The following MYORG variants were observed in gnomAD, a reference collection of about 807,000 sequenced individuals.
MYORG encodes the protein myogenesis regulating glycosidase.
In MYORG, 45 loss-of-function variants were observed where a neutral mutation model predicts 49.8. That is an observed-to-expected ratio of 0.90 (90% CI 0.71 to 1.16). MYORG has a LOEUF of 1.16. Ranked by LOEUF, MYORG falls within the 50% of genes most tolerant of loss-of-function variation. The pLI, the probability that MYORG is intolerant of heterozygous loss-of-function variation, is 0.00. For synonymous variants in MYORG, 552 were observed against 462.9 expected (o/e 1.19, Z -2.47); for missense variants, 1,110 against 1,026.5 (o/e 1.08, Z -1.11).
Position 34,376,633 on chromosome 9 carries a change from C to T in MYORG, c.-64+160G>A, listed in dbSNP as rs1229012434. 6.6e-6 allele frequency among the ~76,000 whole-genome samples: 1 copy of T among 152,210 alleles called. No individual in the cohort carries two copies. The highest frequency in any genetic ancestry group is 1.5e-5 in the Non-Finnish European group (1 of 68,028). Reference sequence around the variant, plus strand: ...TGAAGGCTATACTGTCCGAAGGGGCCGACCGAGGTCAAGGGACCTGTCGCC... The same window carrying T: ...TGAAGGCTATACTGTCCGAAGGGGCTGACCGAGGTCAAGGGACCTGTCGCC... On this transcript the variant is annotated intron_variant, in intron 1 of 1. Coordinates refer to ENST00000297625, the MANE Select transcript of MYORG (RefSeq NM_020702.5). This position sits in a 1 kb window ranked among gnomAD's most constrained non-coding sequence, Gnocchi z 4.4.
chr9:34,375,854 A>G (rs180871436), intron 1 of MYORG, among the ~76,000 whole-genome samples: 124 of 152,336 alleles, frequency 8.1e-4, no homozygotes, highest in African/African-American at 2.9e-3. Flanking sequence ...TAGTGTCCCA[A>G]ATGTCACCAC....
rs768887124 is a variant in MYORG, at chr9:34,371,821, C to T, written c.1123G>A (p.Asp375Asn). 7 of 1,613,902 alleles carry T rather than the reference C, an allele frequency of 4.3e-6. No homozygotes were observed. The highest frequency in any genetic ancestry group is 1.3e-5 in the African/African-American group (1 of 74,948). Residue 375 changes from aspartate to asparagine, a missense_variant, in exon 2 of 2, where the codon GAC becomes AAC. By Grantham distance (23) the Asp-to-Asn change is conservative. Coordinates refer to ENST00000297625, the MANE Select transcript of MYORG (RefSeq NM_020702.5). ...FDEVKFPNAS[D>N]MFRRLRDAGF... is the part of the protein sequence containing the mutation. ...GCGTCGCGCAGGCGGCGGAACATGT[C>T]GCTGGCGTTGGGGAATTTGACCTCA... is the stretch of plus-strand genomic sequence containing the variant.
In MYORG at chr9:34,371,391, A is replaced by G; in HGVS notation, c.1553T>C (p.Leu518Pro). 6.2e-7 allele frequency: 1 copy of G among 1,613,266 alleles called. No homozygotes were observed. Among genetic ancestry groups the G allele is most frequent in the South Asian group, 1.1e-5 (1 of 91,042 alleles). ...QSQNISCFFRLVDRDSVWGYD... is the reference protein window; with the variant it reads ...QSQNISCFFRPVDRDSVWGYD... Reference sequence around the variant, plus strand: ...GCCCCACACAGAGTCGCGATCCACCAGGCGGAAGAAGCAGGAGATGTTCTG... The same window carrying G: ...GCCCCACACAGAGTCGCGATCCACCGGGCGGAAGAAGCAGGAGATGTTCTG... The change falls in exon 2 of 2, where the codon CTG (leucine) becomes CCG (proline). Residue 518 changes from leucine to proline, a missense_variant. Transcript: ENST00000297625.
At position 34,368,111 on chromosome 9, in the gene MYORG, T is replaced by G. The variant is rs1820528494; in HGVS notation, c.*2688A>C. 1 of 152,280 alleles carries G rather than the reference T, an allele frequency of 6.6e-6. No individual in the cohort carries two copies. Among genetic ancestry groups the G allele is most frequent in the South Asian group, 2.1e-4 (1 of 4,836 alleles). The allele number at this position is 152,280 out of a possible 1,614,324, so 9.4% of individuals were successfully genotyped here. The stretch of plus-strand genomic sequence containing the variant: ...TGAAGCCAAGGCCTGAGCTGTATCT[T>G]GGCCCCTTTTAGCCATGACTAGAGC... On this transcript the variant is annotated 3_prime_UTR_variant, in exon 2 of 2. Coordinates refer to ENST00000297625, the MANE Select transcript of MYORG (RefSeq NM_020702.5).
intron 1 of MYORG, among the ~76,000 whole-genome samples, chr9:34,374,205 C>T (rs1177122051): frequency 6.6e-6 from 1 of 152,230 alleles, no homozygotes; most frequent in Non-Finnish European, 1.5e-5. Context: ...CTTCCCCCAA[C>T]AGGCCTCTCT....
At position 34,367,261 on chromosome 9, in the gene MYORG, G is replaced by C. The variant is rs1305591804; in HGVS notation, c.*3538C>G. The C allele has an allele frequency of 6.6e-6, 1 of 152,054 alleles. No individual in the cohort carries two copies. Among genetic ancestry groups the C allele is most frequent in the Admixed American group, 6.6e-5 (1 of 15,252 alleles). The allele number at this position is 152,054 out of a possible 1,614,324, so 9.4% of individuals were successfully genotyped here. On this transcript the variant is annotated 3_prime_UTR_variant, in exon 2 of 2. Coordinates refer to ENST00000297625, the MANE Select transcript of MYORG (RefSeq NM_020702.5). ...CACAATTATGGGAGCTACAATTTAAGGTGATATTTGGATGGGGACACAGCC... is the reference window on the plus strand; with the variant it reads ...CACAATTATGGGAGCTACAATTTAACGTGATATTTGGATGGGGACACAGCC...
In MYORG at chr9:34,367,276, G is replaced by C. The variant is rs1290917177; in HGVS notation, c.*3523C>G. 1 of 152,000 alleles carries C rather than the reference G, an allele frequency of 6.6e-6. No homozygotes were observed. The highest frequency in any genetic ancestry group is 1.5e-5 in the Non-Finnish European group (1 of 68,000). 9.4% of individuals were successfully genotyped at this position (152,000 alleles called of 1,614,324 possible). ...TACAATTTAAGGTGATATTTGGATG[G>C]GGACACAGCCAAACCATATCATTCT... is the stretch of plus-strand genomic sequence containing the variant. On this transcript the variant is annotated 3_prime_UTR_variant, in exon 2 of 2. Coordinates refer to ENST00000297625, the MANE Select transcript of MYORG (RefSeq NM_020702.5).
chr9:34,372,238 C>A lies in MYORG; in HGVS notation c.706G>T (p.Ala236Ser). 2 of 1,610,266 alleles carry A rather than the reference C, an allele frequency of 1.2e-6. No individual in the cohort carries two copies. Among genetic ancestry groups the A allele is most frequent in the Non-Finnish European group, 1.7e-6 (2 of 1,178,828 alleles). ...GGCACTGAGTCATTGACTTTGATGG[C>A]GGCCGCGCGCGAAGATAGCCAGTAG... ...ERYWLSSRAAAIKVNDSVPFH... is the reference protein window; with the variant it reads ...ERYWLSSRAASIKVNDSVPFH... The change falls in exon 2 of 2, where the codon GCC (alanine) becomes TCC (serine). Residue 236 changes from alanine (A) to serine (S), a missense_variant. Physicochemically the swap from Ala to Ser is moderately conservative, Grantham distance 99. Transcript: ENST00000297625.
rs1185459546 is a variant in MYORG at position 34,371,699 on chromosome 9, G to A, written c.1245C>T (p.Pro415=). Residue 415 remains proline, a synonymous_variant, in exon 2 of 2, where the codon CCC becomes CCT. Transcript: ENST00000297625. The part of the protein sequence containing the change: ...GVERELFVRE[P]TGRLPALVRW... ...GCACCAGCGCAGGTAACCGGCCCGT[G>A]GGTTCGCGCACGAACAGCTCGCGCT... 1 of 1,610,666 alleles carries A rather than the reference G, an allele frequency of 6.2e-7. No homozygotes were observed. Among genetic ancestry groups the A allele is most frequent in the Non-Finnish European group, 8.5e-7 (1 of 1,178,488 alleles).
chr9:34,372,615 A>G lies in MYORG; in HGVS notation c.329T>C (p.Val110Ala). ...GCCGGAGCGGAAGGCCAGGCGGAAG[A>G]CCTGCTCTCCCTTCTGATTGCGGAT... ...FSIRNQKGEQVFRLAFRSGAL... is the reference protein window; with the variant it reads ...FSIRNQKGEQAFRLAFRSGAL... Residue 110 changes from valine to alanine, a missense_variant, in exon 2 of 2, where the codon GTC becomes GCC. By Grantham distance (64) the Val-to-Ala change is moderately conservative (BLOSUM62 0). Transcript: ENST00000297625. The G allele has an allele frequency of 1.2e-6, 2 of 1,605,406 alleles. No homozygotes were observed. The highest frequency in any genetic ancestry group is 1.7e-6 in the Non-Finnish European group (2 of 1,176,368).
Position 34,370,862 on chromosome 9 carries a change from C to T in MYORG, c.2082G>A (p.Pro694=). The T allele has an allele frequency of 6.2e-7, 1 of 1,606,954 alleles. No homozygotes were observed. Among genetic ancestry groups the T allele is most frequent in the South Asian group, 1.1e-5 (1 of 90,834 alleles). Residue 694 remains proline, a synonymous_variant, in exon 2 of 2, where the codon CCG becomes CCA. Coordinates refer to ENST00000297625, the MANE Select transcript of MYORG (RefSeq NM_020702.5). ...SYKGELFDKT[P]VLLTDYPVDL... ...CGACCGGGTAATCGGTGAGCAGCAC[C>T]GGCGTCTTGTCGAAAAGCTCACCCT... is the stretch of plus-strand genomic sequence containing the variant.
chr9:34,375,093 C>T (rs1820699604), intron 1 of MYORG, among the ~76,000 whole-genome samples: 1 of 152,094 alleles, frequency 6.6e-6, no homozygotes, highest in African/African-American at 2.4e-5. Flanking sequence ...TGCCCAACTG[C>T]TCCAGCTCGG....
Position 34,372,348 on chromosome 9 carries a change from C to G in MYORG, c.596G>C (p.Arg199Pro). 1 of 1,599,696 alleles carries G rather than the reference C, an allele frequency of 6.3e-7. No homozygotes were observed. Among genetic ancestry groups the G allele is most frequent in the Non-Finnish European group, 8.5e-7 (1 of 1,174,450 alleles). Residue 199 changes from arginine (R) to proline (P), a missense_variant, in exon 2 of 2, where the codon CGC (arginine) becomes CCC (proline). Transcript: ENST00000297625. ...CTGGGGCTCCTGCTGGCCATCCAGGCGGATGGGCCAGTGTTGCGTCCTCAT... is the reference window on the plus strand; with the variant it reads ...CTGGGGCTCCTGCTGGCCATCCAGGGGGATGGGCCAGTGTTGCGTCCTCAT... ...AEMRTQHWPI[R>P]LDGQQEPQPF...
Position 34,371,146 on chromosome 9 carries a change from C to T in MYORG, c.1798G>A (p.Val600Met), listed in dbSNP as rs905543668. 1.2e-6 allele frequency: 2 copies of T among 1,608,556 alleles called. No individual in the cohort carries two copies. Among genetic ancestry groups the T allele is most frequent in the Non-Finnish European group, 1.7e-6 (2 of 1,176,596 alleles). The change falls in exon 2 of 2, where the codon GTG becomes ATG. Residue 600 changes from valine (V) to methionine (M), a missense_variant. Val to Met is a conservative substitution (Grantham distance 21). Transcript: ENST00000297625. ...GCGAACTTCTGCGCGATGGCCACCACTTCCGCGTCGTAGCGCCAGGGCGGG... is the reference window on the plus strand; with the variant it reads ...GCGAACTTCTGCGCGATGGCCACCATTTCCGCGTCGTAGCGCCAGGGCGGG... ...SIPPWRYDAE[V>M]VAIAQKFAAL...
At position 34,371,767 on chromosome 9, in the gene MYORG, G is replaced by A; in HGVS notation, c.1177C>T (p.Pro393Ser). 1 of 1,613,826 alleles carries A rather than the reference G, an allele frequency of 6.2e-7. No homozygotes were observed. Among genetic ancestry groups the A allele is most frequent in the Non-Finnish European group, 8.5e-7 (1 of 1,179,780 alleles). ...AGFRVTLWVH[P>S]FVNYNSSRFG... is the part of the protein sequence containing the mutation. ...CGCGACGAGTTGTAGTTGACAAAAG[G>A]GTGCACCCAGAGCGTGACGCGGAAG... The change falls in exon 2 of 2, where the codon CCT becomes TCT. Residue 393 changes from proline to serine, a missense_variant. Coordinates refer to ENST00000297625, the MANE Select transcript of MYORG (RefSeq NM_020702.5).
rs754132155 is a variant in MYORG at position 34,372,761 on chromosome 9, C to G, written c.183G>C (p.Ala61=). The G allele has an allele frequency of 3.1e-6, 5 of 1,613,870 alleles. No individual in the cohort carries two copies. Among genetic ancestry groups the G allele is most frequent in the Non-Finnish European group, 4.2e-6 (5 of 1,179,812 alleles). ...CCAGCACAAGCAGCAGCCCCAGAAC[C>G]GCGGAGCCCAGCAGCGGCTTCAGGT... ...SKDLKPLLGS[A]VLGLLLVLAA... The change falls in exon 2 of 2, where the codon GCG becomes GCC. Residue 61 remains alanine, a synonymous_variant. Transcript: ENST00000297625.
At position 34,372,328 on chromosome 9, in the gene MYORG, G is replaced by C; in HGVS notation, c.616C>G (p.Pro206Ala). Residue 206 changes from proline to alanine, a missense_variant, in exon 2 of 2, where the codon CCC (proline) becomes GCC (alanine). Transcript: ENST00000297625. ...WPIRLDGQQE[P>A]QPFVTSDVYS... is the part of the protein sequence containing the mutation. ...ACATCGCTGGTGACGAACGGCTGGG[G>C]CTCCTGCTGGCCATCCAGGCGGATG... 6.2e-7 allele frequency: 1 copy of C among 1,604,980 alleles called. No individual in the cohort carries two copies. The highest frequency in any genetic ancestry group is 1.1e-5 in the South Asian group (1 of 89,742).
rs754837504 is a variant in MYORG at position 34,367,735 on chromosome 9, G to A, written c.*3064C>T. ...CATTGCAGGGTACAGCCTACTTCTC[G>A]GTTGCTTTTACAGGCTGGCGTTGAG... On this transcript the variant is annotated 3_prime_UTR_variant, in exon 2 of 2. Coordinates refer to ENST00000297625, the MANE Select transcript of MYORG (RefSeq NM_020702.5). 4 of 152,220 alleles carry A rather than the reference G, an allele frequency of 2.6e-5. No individual in the cohort carries two copies. The highest frequency in any genetic ancestry group is 2.4e-5 in the African/African-American group (1 of 41,438). The allele number at this position is 152,220 out of a possible 1,614,324, so 9.4% of individuals were successfully genotyped here. A position where few individuals can be genotyped will look rare whatever the true frequency, so the allele number is the denominator to read the frequency against.
Position 34,370,516 on chromosome 9 carries a change from A to G in MYORG, c.*283T>C. 3 of 396,206 alleles carry G rather than the reference A, an allele frequency of 7.6e-6. No individual in the cohort carries two copies. Among genetic ancestry groups the G allele is most frequent in the Non-Finnish European group, 1.3e-5 (3 of 224,442 alleles). 24.5% of individuals were successfully genotyped at this position (396,206 alleles called of 1,614,324 possible). A position where few individuals can be genotyped will look rare whatever the true frequency, so the allele number is the denominator to read the frequency against. On this transcript the variant is annotated 3_prime_UTR_variant, in exon 2 of 2. Transcript: ENST00000297625. ...GAAGAGAGCTGACCTTTTTCCTCTAAGCTCTCTGGCTTCCACCCCAGGGAA... is the reference window on the plus strand; with the variant it reads ...GAAGAGAGCTGACCTTTTTCCTCTAGGCTCTCTGGCTTCCACCCCAGGGAA...
Sources: allele counts gnomAD v4.1 joint callset (sites outside exome capture counted in the v4.1 genomes callset), GRCh38; gene constraint gnomAD v4.1.1; non-coding constraint Gnocchi (gnomAD v3.1); transcripts MANE v1.5; gene names NCBI Gene and HGNC (gene_info 2026-07-23, HGNC 2026-07-21).